The following HECTD4 variants were observed in gnomAD, a reference collection of about 807,000 sequenced individuals.
The protein encoded by HECTD4 is probable E3 ubiquitin-protein ligase HECTD4.
In HECTD4, 114 loss-of-function variants were observed where a neutral mutation model predicts 471.5. That is an observed-to-expected ratio of 0.24 (90% CI 0.21 to 0.28). HECTD4 has a LOEUF of 0.28. HECTD4 is among the 10% of genes least tolerant of loss of function. The pLI is 1.00. For missense variants in HECTD4, 3,866 were observed against 5,651.5 expected (o/e 0.68, Z 10.13); for synonymous variants, 2,012 against 2,256.0 (o/e 0.89, Z 3.07).
chr12:112,238,570 CAACA>C (rs1453853356), intron 34 of HECTD4, among the ~76,000 whole-genome samples: 1 of 151,980 alleles, frequency 6.6e-6, no homozygotes, highest in Non-Finnish European at 1.5e-5. Flanking sequence ...CAAACAACAA[CAACA>C]AAAAACCTTA....
At chr12:112,274,705 C>CAAACAAAACA (rs200991188) in intron 10 of HECTD4, 142 bp downstream of exon 10, 14 of 620,722 alleles carry the variant, frequency 2.3e-5, no homozygotes, top group African/African-American at 5.6e-5. Context: ...GACCCTGTCT[C>CAAACAAAACA]AAACAAAACA....
rs1594032122 is a variant in HECTD4, at chr12:112,308,971, C to T, written c.1026-80G>A. 14 of 1,372,310 alleles carry T rather than the reference C, an allele frequency of 1.0e-5. No homozygotes were observed. In the East Asian group the frequency reaches 3.3e-4, roughly 32 times the overall value. The allele number at this position is 1,372,310 out of a possible 1,614,324, so 85.0% of individuals were successfully genotyped here. A position where few individuals can be genotyped will look rare whatever the true frequency, so the allele number is the denominator to read the frequency against. On this transcript the variant is annotated intron_variant, in intron 5 of 75. Transcript: ENST00000682272. ...CACAAGCTACAACAGACACAAACAA[C>T]ATTTTCGACCTAATTTTAAAAAATG...
chr12:112,256,016 A>G (rs1412579150), intron 21 of HECTD4, among the ~76,000 whole-genome samples: 2 of 152,172 alleles, frequency 1.3e-5, no homozygotes, highest in Non-Finnish European at 2.9e-5. Context: ...GAGGGAGGGC[A>G]GGGGGTAAGC....
rs2030687624 is a variant in HECTD4 at position 112,161,457 on chromosome 12, T to G, written c.*930A>C. Reference sequence around the variant, plus strand: ...ACTCTTTTGAAAATGGGTGTGGCCCTTTCCCTTGTCCTACGTCACTGCAGG... The same window carrying G: ...ACTCTTTTGAAAATGGGTGTGGCCCGTTCCCTTGTCCTACGTCACTGCAGG... On this transcript the variant is annotated 3_prime_UTR_variant, in exon 76 of 76. Coordinates refer to ENST00000682272, the MANE Select transcript of HECTD4 (RefSeq NM_001388303.1). 6.6e-6 allele frequency: 1 copy of G among 152,216 alleles called. No individual in the cohort carries two copies. Among genetic ancestry groups the G allele is most frequent in the Admixed American group, 6.5e-5 (1 of 15,284 alleles). 9.4% of individuals were successfully genotyped at this position (152,216 alleles called of 1,614,324 possible).
At chr12:112,241,791 G>A (rs2076165416) in intron 32 of HECTD4, among the ~76,000 whole-genome samples, 1 of 152,116 alleles carries the variant, frequency 6.6e-6, no homozygotes, top group South Asian at 2.1e-4. Context: ...TTAAATTTTG[G>A]ACTTGTTTCC....
rs751138175 is a variant in HECTD4 at position 112,167,856 on chromosome 12, C to T, written c.12270G>A (p.Ser4090=). 76 of 1,613,542 alleles carry T rather than the reference C, an allele frequency of 4.7e-5. No homozygotes were observed. The highest frequency in any genetic ancestry group is 1.3e-4 in the Admixed American group (8 of 60,012). The change falls in exon 71 of 76, where the codon TCG becomes TCA. Residue 4090 remains serine (S), a synonymous_variant. Coordinates refer to ENST00000682272, the MANE Select transcript of HECTD4 (RefSeq NM_001388303.1). ...VCKELQSSSL[S]LLLLCPSSAV... is the part of the protein sequence containing the mutation. ...CTGAGCTGGGGCACAGCAGCAGCAGCGACAGCGAGGAACTCTGCAGCTCCT... is the reference window on the plus strand; with the variant it reads ...CTGAGCTGGGGCACAGCAGCAGCAGTGACAGCGAGGAACTCTGCAGCTCCT...
At chr12:112,265,649 A>T (rs2034252103) in intron 15 of HECTD4, among the ~76,000 whole-genome samples, 1 of 152,122 alleles carries the variant, frequency 6.6e-6, no homozygotes, top group African/African-American at 2.4e-5. Context: ...TTTGCTAAAG[A>T]CCCTTTCCCC....
intron 1 of HECTD4, among the ~76,000 whole-genome samples, chr12:112,337,571 G>A (rs1168362320): frequency 6.6e-6 from 1 of 152,114 alleles, no homozygotes; most frequent in Non-Finnish European, 1.5e-5. Flanking sequence ...CAAATCACTG[G>A]ATTATTTTCT....
At chr12:112,250,070 A>G in intron 25 of HECTD4, 74 bp downstream of exon 25, 1 of 1,007,978 alleles carries the variant, frequency 9.9e-7, no homozygotes, top group East Asian at 2.6e-5. Context: ...AGACCACAGA[A>G]GAAATATACC....
At position 112,219,476 on chromosome 12, in the gene HECTD4, T is replaced by A. The variant is rs61748915; in HGVS notation, c.6984A>T (p.Ala2328=). The part of the protein sequence containing the change: ...AQECSAGERL[A]VVEVQCERLR... ...GCCGTTCACACTGTACCTCCACAAC[T>A]GCAAGTCGCTCTCCTGTAGAGGGCA... The change falls in exon 45 of 76, where the codon GCA becomes GCT. Residue 2328 remains alanine, a synonymous_variant. Coordinates refer to ENST00000682272, the MANE Select transcript of HECTD4 (RefSeq NM_001388303.1). 1 of 1,613,322 alleles carries A rather than the reference T, an allele frequency of 6.2e-7. No homozygotes were observed. The highest frequency in any genetic ancestry group is 8.5e-7 in the Non-Finnish European group (1 of 1,179,456).
At chr12:112,309,390 T>C (rs1334261839) in intron 5 of HECTD4, among the ~76,000 whole-genome samples, 171 bp downstream of exon 5, 1 of 152,124 alleles carries the variant, frequency 6.6e-6, no homozygotes, top group Admixed American at 6.5e-5. Context: ...CAGAACAAGA[T>C]GGGGAAAGGT....
chr12:112,330,149 C>T (rs977679624), intron 1 of HECTD4, among the ~76,000 whole-genome samples: 41 of 151,854 alleles, frequency 2.7e-4, no homozygotes, highest in African/African-American at 8.2e-4. Flanking sequence ...TGGTGATGGG[C>T]GCCTGTAATC....
At chr12:112,200,860 CGTGCGTGT>C (rs1566070076) in intron 54 of HECTD4, 62 bp from the exon 55 acceptor site, 18 of 1,485,132 alleles carry the variant, frequency 1.2e-5, no homozygotes, top group Non-Finnish European at 1.7e-5. Flanking sequence ...TGTGTGCGTG[CGTGCGTGT>C]GTGTGTGCGT....
At chr12:112,258,627 AG>A (rs748327247) in intron 19 of HECTD4, 31 bp from the exon 20 acceptor site, 43 of 1,547,528 alleles carry the variant, frequency 2.8e-5, no homozygotes, top group Non-Finnish European at 3.4e-5. Flanking sequence ...TATGTCTTCC[AG>A]GGCTACTGTC....
At chr12:112,248,594 C>T (rs1289348655) in intron 25 of HECTD4, 82 bp from the exon 26 acceptor site, 1 of 976,558 alleles carries the variant, frequency 1.0e-6, no homozygotes, top group Non-Finnish European at 1.4e-6. Flanking sequence ...TTTTTTATTT[C>T]TTTAGAGACA....
At chr12:112,261,495 A>ATTTCATGTTGTCATTG in intron 17 of HECTD4, 66 bp from the exon 18 acceptor site, 1 of 1,404,874 alleles carries the variant, frequency 7.1e-7, no homozygotes, top group Non-Finnish European at 9.9e-7. Flanking sequence ...CAATGACAAC[A>ATTTCATGTTGTCATTG]TGAAATGATG....
At chr12:112,361,100 C>T (rs993741715) in intron 1 of HECTD4, among the ~76,000 whole-genome samples, 2 of 152,040 alleles carry the variant, frequency 1.3e-5, no homozygotes, top group African/African-American at 2.4e-5. Context: ...TCTGTTCATC[C>T]GCGACAATAC....
chr12:112,238,967 T>C, intron 34 of HECTD4, 85 bp downstream of exon 34: 6 of 1,295,298 alleles, frequency 4.6e-6, no homozygotes, highest in Non-Finnish European at 6.3e-6. Context: ...AGGCTTTCTC[T>C]CTTTCATTTA....
chr12:112,249,737 T>C (rs545113683), intron 25 of HECTD4: 1 of 193,144 alleles, frequency 5.2e-6, no homozygotes, highest in East Asian at 1.4e-4. Flanking sequence ...AATAAACACA[T>C]GTCTCTAGAC....
Sources: allele counts gnomAD v4.1 joint callset (sites outside exome capture counted in the v4.1 genomes callset), GRCh38; gene constraint gnomAD v4.1.1; transcripts MANE v1.5; gene names NCBI Gene and HGNC (gene_info 2026-07-23, HGNC 2026-07-21).